NCOA2: variants seen among roughly 807,000 people sequenced by gnomAD.
NCOA2 encodes class E basic helix-loop-helix protein 75.
A neutral mutation model predicts 145.1 loss-of-function variants in NCOA2; 21 were observed. The observed-to-expected ratio is 0.14, with a 90% CI of 0.10 to 0.21. The LOEUF (loss-of-function observed/expected upper bound fraction) is 0.21, where lower values mean the gene tolerates loss of function less well. Among genes scored for constraint, NCOA2 ranks in the 10% least tolerant of loss-of-function variants. NCOA2 has a pLI of 1.00. For synonymous variants in NCOA2, 619 were observed against 637.5 expected (o/e 0.97, Z 0.44); for missense variants, 1,472 against 1,837.6 (o/e 0.80, Z 3.64).
chr8:70,313,823 T>G (rs887708795), intron 1 of NCOA2, among the ~76,000 whole-genome samples: 1 of 152,128 alleles, frequency 6.6e-6, no homozygotes, highest in Non-Finnish European at 1.5e-5. Flanking sequence ...TATATCCATT[T>G]TATAATTCAG....
At chr8:70,265,473 AAAACT>A (rs1358336389) in intron 2 of NCOA2, among the ~76,000 whole-genome samples, 7 of 152,242 alleles carry the variant, frequency 4.6e-5, no homozygotes, top group Non-Finnish European at 1.0e-4. Flanking sequence ...AACATAACAA[AAAACT>A]AAAATCCAGA....
chr8:70,434,560 T>C, the NCOA2 span, among the ~76,000 whole-genome samples: 7 of 152,294 alleles, frequency 4.6e-5, no homozygotes, highest in Admixed American at 2.6e-4. Flanking sequence ...TCTCATTTTC[T>C]TTCTTTCTTT....
chr8:70,148,914 T>C (rs1206968077), intron 11 of NCOA2, among the ~76,000 whole-genome samples: 1 of 152,102 alleles, frequency 6.6e-6, no homozygotes, highest in African/African-American at 2.4e-5. Context: ...AAAACTGGCA[T>C]ATAATGTAAT....
rs193144593 is a variant in NCOA2, at chr8:70,190,649, C to T, written c.260-15790G>A. ...GGTGGATCCCCTGAGGTCAGGAGTT[C>T]GAGACCAGCCTGGCCAACATGGCAA... On this transcript the variant is annotated intron_variant, in intron 4 of 22. Coordinates refer to ENST00000452400, the MANE Select transcript of NCOA2 (RefSeq NM_006540.4). Among the ~76,000 whole-genome samples the T allele has an allele frequency of 5.5e-3, 831 of 152,092 alleles. 9 individuals are homozygous for T. Among genetic ancestry groups the T allele is most frequent in the African/African-American group, 0.019 (785 of 41,504 alleles).
In NCOA2 at chr8:70,228,575, A is replaced by C. The variant is rs771857764; in HGVS notation, c.-19-11811T>G. Among the ~76,000 whole-genome samples the C allele has an allele frequency of 5.9e-5, 9 of 152,130 alleles. No individual in the cohort carries two copies. In the East Asian group the frequency reaches 1.7e-3, roughly 29 times the overall value. ...GTGGTCTACAGTAGGCATTAAAAAG[A>C]TTAAGGAAAATTCCTTCTATTTTTT... On this transcript the variant is annotated intron_variant, in intron 2 of 22. Coordinates refer to ENST00000452400, the MANE Select transcript of NCOA2 (RefSeq NM_006540.4).
chr8:70,263,446 C>A (rs1157820971), intron 2 of NCOA2, among the ~76,000 whole-genome samples: 1 of 151,968 alleles, frequency 6.6e-6, no homozygotes, highest in Non-Finnish European at 1.5e-5. Flanking sequence ...ACAGATTACT[C>A]CGTTTCATGT....
At position 70,126,795 on chromosome 8, in the gene NCOA2, G is replaced by A. The variant is rs201870382; in HGVS notation, c.3916+18C>T. The A allele has an allele frequency of 2.2e-4, 359 of 1,599,636 alleles. 2 individuals carry two copies. The highest frequency in any genetic ancestry group is 1.5e-3 in the East Asian group (65 of 44,750). ...GAGAAAGGACTGGTGAAAGGTGGTG[G>A]GGATCTAAGTCCAGTACCGTAGTTT... On this transcript the variant is annotated intron_variant, in intron 19 of 22. Coordinates refer to ENST00000452400, the MANE Select transcript of NCOA2 (RefSeq NM_006540.4).
chr8:70,193,169 A>G (rs1816877968), intron 4 of NCOA2, among the ~76,000 whole-genome samples: 1 of 152,034 alleles, frequency 6.6e-6, no homozygotes, highest in Admixed American at 6.5e-5. Flanking sequence ...TAATGCTTCT[A>G]AAAGAACTAT....
intron 1 of NCOA2, among the ~76,000 whole-genome samples, chr8:70,333,300 C>T (rs893732115): frequency 1.3e-5 from 2 of 152,128 alleles, no homozygotes; most frequent in Admixed American, 6.6e-5. Flanking sequence ...ACTATTACAC[C>T]GATGGGTACC....
rs542144542 is a variant in NCOA2 at position 70,302,989 on chromosome 8, G to A, written c.-76-6189C>T. On this transcript the variant is annotated intron_variant, in intron 1 of 22. Coordinates refer to ENST00000452400, the MANE Select transcript of NCOA2 (RefSeq NM_006540.4). ...CATTATGCCCATTCCTTTCCATCTT[G>A]TCTCTTGCCTACCATGGTCAGAGGC... is the stretch of plus-strand genomic sequence containing the variant. Among the ~76,000 whole-genome samples the A allele has an allele frequency of 8.2e-4, 124 of 152,060 alleles. 1 individual carries two copies. The highest frequency in any genetic ancestry group is 2.9e-3 in the African/African-American group (120 of 41,466).
chr8:70,139,985 C>T (rs1810196333), intron 14 of NCOA2, among the ~76,000 whole-genome samples: 1 of 151,932 alleles, frequency 6.6e-6, no homozygotes, highest in Non-Finnish European at 1.5e-5. Context: ...ATGAAAAGAA[C>T]ATAAACTTAT....
chr8:70,452,859 A>G, the NCOA2 span, among the ~76,000 whole-genome samples: 2 of 152,326 alleles, frequency 1.3e-5, no homozygotes, highest in Non-Finnish European at 2.9e-5. Context: ...GAGTAAATGG[A>G]AGGAAGTAAA....
intron 2 of NCOA2, among the ~76,000 whole-genome samples, chr8:70,248,532 A>G (rs1331941558): frequency 2.0e-5 from 3 of 152,156 alleles, no homozygotes; most frequent in Non-Finnish European, 2.9e-5. Context: ...AGACGCATCC[A>G]TATTACTGCA....
intron 19 of NCOA2, chr8:70,126,544 T>C (rs1808433109): frequency 7.8e-6 from 4 of 509,780 alleles, no homozygotes; most frequent in Non-Finnish European, 1.1e-5. Flanking sequence ...ACACAGTCTA[T>C]GCACACACAC....
At chr8:70,340,407 G>A (rs542026488) in intron 1 of NCOA2, among the ~76,000 whole-genome samples, 26 of 152,204 alleles carry the variant, frequency 1.7e-4, no homozygotes, top group African/African-American at 6.0e-4. Context: ...ACCATCTCAC[G>A]CCAGTCAGAA....
In NCOA2 at chr8:70,322,933, T is replaced by C. The variant is rs116045990; in HGVS notation, c.-76-26133A>G. Among the ~76,000 whole-genome samples the C allele has an allele frequency of 6.0e-3, 916 of 152,354 alleles. 9 individuals are homozygous for C. Among genetic ancestry groups the C allele is most frequent in the African/African-American group, 0.021 (873 of 41,580 alleles). ...TTTTTAGACTTGTATTTCTGGGTTCTACAAAGTCCAGATGGTATCTTCTGT... is the reference window on the plus strand; with the variant it reads ...TTTTTAGACTTGTATTTCTGGGTTCCACAAAGTCCAGATGGTATCTTCTGT... On this transcript the variant is annotated intron_variant, in intron 1 of 22. Coordinates refer to ENST00000452400, the MANE Select transcript of NCOA2 (RefSeq NM_006540.4).
At chr8:70,278,726 G>A (rs1825651653) in intron 2 of NCOA2, among the ~76,000 whole-genome samples, 1 of 152,072 alleles carries the variant, frequency 6.6e-6, no homozygotes, top group South Asian at 2.1e-4. Context: ...CAGCATTTTG[G>A]GAGGCTGAGG....
chr8:70,344,537 A>G (rs1483201015), intron 1 of NCOA2, among the ~76,000 whole-genome samples: 1 of 152,222 alleles, frequency 6.6e-6, no homozygotes, highest in African/African-American at 2.4e-5. Flanking sequence ...TAGATTTCTA[A>G]GGATTTTAGC....
At chr8:70,369,001 C>CA (rs573937877) in intron 1 of NCOA2, among the ~76,000 whole-genome samples, 17 of 150,578 alleles carry the variant, frequency 1.1e-4, no homozygotes, top group South Asian at 2.1e-4. Flanking sequence ...AGTAAAGTCT[C>CA]AAAAAAAAGG....
Sources: gnomAD v4.1 joint callset for allele counts (sites outside exome capture counted in the v4.1 genomes callset) on GRCh38, gnomAD v4.1.1 for gene constraint, MANE v1.5 for transcripts, NCBI Gene and HGNC (gene_info 2026-07-23, HGNC 2026-07-21) for gene names.